The following CDH1 variants were observed in gnomAD, a reference collection of about 807,000 sequenced individuals.
The protein encoded by CDH1 is cadherin 1.
In CDH1, 35 loss-of-function variants were observed where a neutral mutation model predicts 84.5. The observed-to-expected ratio is 0.41, with a 90% CI of 0.32 to 0.55. The LOEUF is 0.55. Ranked by LOEUF, CDH1 falls within the 20% of genes least tolerant of loss-of-function variation. The pLI is 0.19. For missense variants in CDH1, 994 were observed against 1,126.6 expected (o/e 0.88, Z 1.68); for synonymous variants, 417 against 439.0 (o/e 0.95, Z 0.63).
At chr16:68,805,353 G>C (rs781678874) in intron 3 of CDH1, among the ~76,000 whole-genome samples, 1 of 151,966 alleles carries the variant, frequency 6.6e-6, no homozygotes, top group Non-Finnish European at 1.5e-5. Context: ...TCACTTCCAC[G>C]TGCAGTGTTT....
chr16:68,778,531 A>G (rs901106195), intron 2 of CDH1, among the ~76,000 whole-genome samples: 1 of 152,154 alleles, frequency 6.6e-6, no homozygotes, highest in Non-Finnish European at 1.5e-5. Flanking sequence ...GTCCTGCCCT[A>G]TGTGTAGAGC....
Position 68,749,715 on chromosome 16 carries a change from G to A in CDH1, c.163+11304G>A, listed in dbSNP as rs544091304. Among the ~76,000 whole-genome samples the A allele has an allele frequency of 1.1e-4, 16 of 152,298 alleles. No homozygotes were observed. In the East Asian group the frequency reaches 1.5e-3, roughly 15 times the overall value. The stretch of plus-strand genomic sequence containing the variant: ...GCACTGCTTGCCACCAAGTCACCCC[G>A]CCAGGTGATGGCAGTGCTGGGGCTG... On this transcript the variant is annotated intron_variant, in intron 2 of 15. Transcript: ENST00000261769.
chr16:68,807,005 G>A (rs1171996957), intron 3 of CDH1, among the ~76,000 whole-genome samples: 1 of 152,222 alleles, frequency 6.6e-6, no homozygotes, highest in Non-Finnish European at 1.5e-5. Flanking sequence ...GCAGTGATCA[G>A]TGACTGTGAG....
At chr16:68,799,387 A>C (rs1276642479) in intron 2 of CDH1, among the ~76,000 whole-genome samples, 1 of 152,148 alleles carries the variant, frequency 6.6e-6, no homozygotes, top group African/African-American at 2.4e-5. Context: ...GACTCTTTGA[A>C]TGACACAGCT....
intron 2 of CDH1, among the ~76,000 whole-genome samples, chr16:68,738,962 T>TC (rs1962482901): frequency 7.7e-6 from 1 of 129,360 alleles, no homozygotes; most frequent in African/African-American, 3.0e-5. Flanking sequence ...TTTTTTTTTT[T>TC]TTAAAGACAG....
chr16:68,802,025 T>C (rs1238969419), intron 3 of CDH1, 132 bp downstream of exon 3: 1 of 770,422 alleles, frequency 1.3e-6, no homozygotes, highest in African/African-American at 1.7e-5. Context: ...GTGCACTGTG[T>C]AGGATGTTTA....
intron 2 of CDH1, among the ~76,000 whole-genome samples, chr16:68,786,520 C>CTTTTT: frequency 1.3e-5 from 1 of 77,532 alleles, no homozygotes; most frequent in Non-Finnish European, 2.7e-5. Context: ...TTTCTGCTTT[C>CTTTTT]TTTTTTTTTT....
intron 2 of CDH1, among the ~76,000 whole-genome samples, chr16:68,766,488 C>T (rs1231198857): frequency 1.3e-5 from 2 of 151,998 alleles, no homozygotes; most frequent in Non-Finnish European, 2.9e-5. Flanking sequence ...CAATGTTTTC[C>T]CTCTGTAAAA....
At chr16:68,795,100 G>C (rs534220620) in intron 2 of CDH1, among the ~76,000 whole-genome samples, 1 of 152,220 alleles carries the variant, frequency 6.6e-6, no homozygotes, top group East Asian at 1.9e-4. Flanking sequence ...TTTCTGCTGA[G>C]TATGAATGCT....
At chr16:68,740,917 C>T (rs1232108788) in intron 2 of CDH1, among the ~76,000 whole-genome samples, 5 of 151,916 alleles carry the variant, frequency 3.3e-5, no homozygotes, top group African/African-American at 1.2e-4. Context: ...CTTCCTTTTT[C>T]TCCTTGTTTT....
At chr16:68,826,498 C>T (rs1247916092) in intron 13 of CDH1, 1 of 152,032 alleles carries the variant, frequency 6.6e-6, no homozygotes, top group African/African-American at 2.4e-5. Context: ...CACGGTGGCT[C>T]ACATCTATAA....
intron 12 of CDH1, 183 bp from the exon 13 acceptor site, chr16:68,823,216 T>C (rs1226029495): frequency 3.6e-5 from 21 of 582,790 alleles, no homozygotes; most frequent in Non-Finnish European, 5.9e-5. Flanking sequence ...TTAGACCAAA[T>C]GGAAATAAAG....
At chr16:68,777,534 C>CTTTTTTTTTTTTTTTT (rs71148949) in intron 2 of CDH1, among the ~76,000 whole-genome samples, 1 of 76,968 alleles carries the variant, frequency 1.3e-5, no homozygotes, top group Non-Finnish European at 2.3e-5. Flanking sequence ...GTAATGTTTC[C>CTTTTTTTTTTTTTTTT]TTTTTTTTTT....
chr16:68,804,900 A>C (rs1185040094), intron 3 of CDH1, among the ~76,000 whole-genome samples: 2 of 135,204 alleles, frequency 1.5e-5, no homozygotes, highest in Non-Finnish European at 3.0e-5. Flanking sequence ...GTGGGAACAC[A>C]GCTCACTGCA....
rs963180510 is a variant in CDH1 at position 68,773,069 on chromosome 16, A to T, written c.164-28601A>T. 2.6e-5 allele frequency among the ~76,000 whole-genome samples: 4 copies of T among 152,188 alleles called. No individual in the cohort carries two copies. In the South Asian group the frequency reaches 8.3e-4, roughly 32 times the overall value. The stretch of plus-strand genomic sequence containing the variant: ...GGTCTCTAAAGGGTTGTGGCTTGTT[A>T]TAAGTGGTGGAAGGAGAATTGTCTG... On this transcript the variant is annotated intron_variant, in intron 2 of 15. Transcript: ENST00000261769.
chr16:68,770,962 C>T (rs1374813016), intron 2 of CDH1: 2 of 151,842 alleles, frequency 1.3e-5, no homozygotes, highest in Non-Finnish European at 2.9e-5. Context: ...TGATGCAAAC[C>T]AGACCGTGCA....
In CDH1 at chr16:68,738,936, C is replaced by CTTTTTTTTTTT. The variant is rs1555509828; in HGVS notation, c.163+543_163+553dup. On this transcript the variant is annotated intron_variant, in intron 2 of 15. Transcript: ENST00000261769. Reference sequence around the variant, plus strand: ...TGGCTTTTGTTTACAGATATAAAAGCTTTTTTTTTTTTTTTTTTTTTTTTT... The same window carrying CTTTTTTTTTTT: ...TGGCTTTTGTTTACAGATATAAAAGCTTTTTTTTTTTTTTTTTTTTTTTTTTTTTTTTTTTT... Among the ~76,000 whole-genome samples, 20 of 11,440 alleles carry CTTTTTTTTTTT rather than the reference C, an allele frequency of 1.7e-3. 8 individuals carry two copies. Among genetic ancestry groups the CTTTTTTTTTTT allele is most frequent in the Middle Eastern group, 0.17 (1 of 6 alleles). The allele number at this position is 11,440 out of a possible 152,430, so 7.5% of individuals were successfully genotyped here. A position where few individuals can be genotyped will look rare whatever the true frequency, so the allele number is the denominator to read the frequency against.
chr16:68,771,691 G>A (rs1439770582), intron 2 of CDH1, among the ~76,000 whole-genome samples: 1 of 151,526 alleles, frequency 6.6e-6, no homozygotes, highest in Non-Finnish European at 1.5e-5. Context: ...GGTGGAGGTT[G>A]CAGTGAGCCG....
chr16:68,750,711 T>TG lies in CDH1; in HGVS notation c.163+12300_163+12301insG, dbSNP rs1398804176. Among the ~76,000 whole-genome samples, 14 of 150,380 alleles carry TG rather than the reference T, an allele frequency of 9.3e-5. No individual in the cohort carries two copies. The East Asian group carries it at 2.3e-3, about 25-fold the overall frequency. On this transcript the variant is annotated intron_variant, in intron 2 of 15. Coordinates refer to ENST00000261769, the MANE Select transcript of CDH1 (RefSeq NM_004360.5). Reference sequence around the variant, plus strand: ...CTGTACACCTTCTTTCTCCTTGGTTTTTTTTTTTTTTTTTTAAGACAGGGT... The same window carrying TG: ...CTGTACACCTTCTTTCTCCTTGGTTTGTTTTTTTTTTTTTTTAAGACAGGGT...
Sources: gnomAD v4.1 joint callset for allele counts (sites outside exome capture counted in the v4.1 genomes callset) on GRCh38, gnomAD v4.1.1 for gene constraint, MANE v1.5 for transcripts, NCBI Gene and HGNC (gene_info 2026-07-23, HGNC 2026-07-21) for gene names.